The following OR5H14 variants were observed in gnomAD, a reference collection of about 807,000 sequenced individuals.
The protein encoded by OR5H14 is olfactory receptor family 5 subfamily H member 14.
For missense variants in OR5H14, 392 were observed against 363.9 expected, an observed-to-expected ratio of 1.08 and a Z score of -0.63; for synonymous variants, 155 against 130.6, an observed-to-expected ratio of 1.19 and a Z score of -1.28.
At chr3:98,147,749 T>C (rs1708441328) in intron 1 of OR5H14, among the ~76,000 whole-genome samples, 195 bp downstream of exon 1, 1 of 152,092 alleles carries the variant, frequency 6.6e-6, no homozygotes, top group South Asian at 2.1e-4. Context: ...GTTATAAGAC[T>C]GAATTGTTCC....
chr3:98,150,581 C>G lies in OR5H14; in HGVS notation c.*263C>G, dbSNP rs1313037767. On this transcript the variant is annotated 3_prime_UTR_variant, in exon 2 of 2. Coordinates refer to ENST00000641380, the MANE Select transcript of OR5H14 (RefSeq NM_001005514.2). ...ATATTGTACAGTATGGTATGTTAAT[C>G]ACTGTGTCTTATAAATGCATTAAAT... The G allele has an allele frequency of 3.7e-6, 1 of 269,180 alleles. No homozygotes were observed. The highest frequency in any genetic ancestry group is 6.5e-5 in the East Asian group (1 of 15,296). 16.7% of individuals were successfully genotyped at this position (269,180 alleles called of 1,614,324 possible).
At chr3:98,149,235 A>T in intron 1 of OR5H14, 133 bp from the exon 2 acceptor site, 1 of 991,544 alleles carries the variant, frequency 1.0e-6, no homozygotes, top group Non-Finnish European at 1.5e-6. Context: ...CCCTTATAGG[A>T]TTTCTTATTT....
At chr3:98,149,172 T>C (rs1387525148) in intron 1 of OR5H14, among the ~76,000 whole-genome samples, 196 bp from the exon 2 acceptor site, 1 of 152,036 alleles carries the variant, frequency 6.6e-6, no homozygotes, top group East Asian at 1.9e-4. Context: ...AGAGTATGCA[T>C]ATTACTACCA....
At position 98,148,140 on chromosome 3, in the gene OR5H14, C is replaced by T. The variant is rs561127376; in HGVS notation, c.-19+586C>T. ...ATGTAGGATCAGTGTGTTTCATTTG[C>T]CATCCTAGATCATGTCCCTTCACTC... On this transcript the variant is annotated intron_variant, in intron 1 of 1. Transcript: ENST00000641380. 2.0e-5 allele frequency: 3 copies of T among 151,858 alleles called. No homozygotes were observed. The South Asian group carries it at 6.2e-4, about 32-fold the overall frequency. The allele number at this position is 151,858 out of a possible 1,614,324, so 9.4% of individuals were successfully genotyped here.
In OR5H14 at chr3:98,154,104, T is replaced by G. The variant is rs1576107309; in HGVS notation, c.*3786T>G. 1 of 152,324 alleles carries G rather than the reference T, an allele frequency of 6.6e-6. No individual in the cohort carries two copies. Among genetic ancestry groups the G allele is most frequent in the East Asian group, 1.9e-4 (1 of 5,182 alleles). The allele number at this position is 152,324 out of a possible 1,614,324, so 9.4% of individuals were successfully genotyped here. On this transcript the variant is annotated 3_prime_UTR_variant, in exon 2 of 2. Coordinates refer to ENST00000641380, the MANE Select transcript of OR5H14 (RefSeq NM_001005514.2). Reference sequence around the variant, plus strand: ...TTTCTATGCCTGAACTCAACATGAATTGACCAGAATGTTTTACAAATCATA... The same window carrying G: ...TTTCTATGCCTGAACTCAACATGAAGTGACCAGAATGTTTTACAAATCATA...
rs185033781 is a variant in OR5H14 at position 98,149,003 on chromosome 3, G to A, written c.-18-365G>A. Among the ~76,000 whole-genome samples the A allele has an allele frequency of 1.5e-3, 235 of 152,026 alleles. 1 individual carries two copies. Among genetic ancestry groups the A allele is most frequent in the African/African-American group, 4.7e-3 (193 of 41,496 alleles). On this transcript the variant is annotated intron_variant, in intron 1 of 1. Transcript: ENST00000641380. ...AGTATTTGGTGCATTCTTATATTAC[G>A]AAATATAAAGTTTAAGATTCTTCAC...
In OR5H14 at chr3:98,154,436, T is replaced by C. The variant is rs75603976; in HGVS notation, c.*4118T>C. 0.17 allele frequency: 25,634 copies of C among 147,542 alleles called. No individual in the cohort carries two copies. The highest frequency in any genetic ancestry group is 0.36 in the East Asian group (1,786 of 4,900). 9.1% of individuals were successfully genotyped at this position (147,542 alleles called of 1,614,324 possible). On this transcript the variant is annotated 3_prime_UTR_variant, in exon 2 of 2. Transcript: ENST00000641380. ...GAAGAATTCTAAATTCCACAGAAAA[T>C]GTCTGGCACTTTTGTTTGGGACAAG...
In OR5H14 at chr3:98,149,868, AT is replaced by A. The variant is rs1708478751; in HGVS notation, c.488del (p.Leu163TyrfsTer4). On this transcript the variant is annotated frameshift_variant, in exon 2 of 2. Transcript: ENST00000641380. LOFTEE classifies it low-confidence loss of function (END_TRUNC). ...TTCTTCATGCTTTAATCCATGAAGG[AT>A]TTTTATTCAGACTAACCTTCTGTAA... ...GLLHALIHEG[F>X]LFRLTFCNSN... 6.2e-7 allele frequency: 1 copy of A among 1,608,036 alleles called. No individual in the cohort carries two copies. Among genetic ancestry groups the A allele is most frequent in the African/African-American group, 1.4e-5 (1 of 70,326 alleles).
intron 1 of OR5H14, among the ~76,000 whole-genome samples, chr3:98,149,071 C>T (rs1232557409): frequency 6.6e-6 from 1 of 152,024 alleles, no homozygotes; most frequent in Non-Finnish European, 1.5e-5. Context: ...CCAGACATTT[C>T]AAAAACCTAT....
Position 98,149,803 on chromosome 3 carries a change from C to T in OR5H14, c.418C>T (p.Leu140=), listed in dbSNP as rs1291319305. 1 of 1,612,694 alleles carries T rather than the reference C, an allele frequency of 6.2e-7. No homozygotes were observed. The highest frequency in any genetic ancestry group is 8.5e-7 in the Non-Finnish European group (1 of 1,179,670). Residue 140 remains leucine (L), a synonymous_variant, in exon 2 of 2, where the codon CTG becomes TTG. Coordinates refer to ENST00000641380, the MANE Select transcript of OR5H14 (RefSeq NM_001005514.2). ...TTATCCAGCCATTATGACCAATGGACTGTGCATCCGGCTATTAATCTTGTC... is the reference window on the plus strand; with the variant it reads ...TTATCCAGCCATTATGACCAATGGATTGTGCATCCGGCTATTAATCTTGTC... ...LLYPAIMTNG[L]CIRLLILSYV... is the part of the protein sequence containing the mutation.
In OR5H14 at chr3:98,154,305, C is replaced by T. The variant is rs1405433724; in HGVS notation, c.*3987C>T. On this transcript the variant is annotated 3_prime_UTR_variant, in exon 2 of 2. Transcript: ENST00000641380. Reference sequence around the variant, plus strand: ...GATTGAGGGGTTGGATCTTTCCTGTCTACCTTAGGTACCTCACGTTTGGCT... The same window carrying T: ...GATTGAGGGGTTGGATCTTTCCTGTTTACCTTAGGTACCTCACGTTTGGCT... The T allele has an allele frequency of 6.6e-6, 1 of 152,172 alleles. No homozygotes were observed. The highest frequency in any genetic ancestry group is 1.9e-4 in the East Asian group (1 of 5,188). 9.4% of individuals were successfully genotyped at this position (152,172 alleles called of 1,614,324 possible). A position where few individuals can be genotyped will look rare whatever the true frequency, so the allele number is the denominator to read the frequency against.
Position 98,150,312 on chromosome 3 carries a change from T to A in OR5H14, c.927T>A (p.Asp309Glu), listed in dbSNP as rs1226379775. 1.3e-6 allele frequency: 2 copies of A among 1,556,990 alleles called. No individual in the cohort carries two copies. The highest frequency in any genetic ancestry group is 2.3e-5 in the East Asian group (1 of 44,344). ...ASFTKMFKRN[D>E]V ...TCACAAAAATGTTCAAAAGAAATGATGTTTAGATCATTACTAATATCTCTT... is the reference window on the plus strand; with the variant it reads ...TCACAAAAATGTTCAAAAGAAATGAAGTTTAGATCATTACTAATATCTCTT... Residue 309 changes from aspartate (D) to glutamate (E), a missense_variant, in exon 2 of 2, where the codon GAT becomes GAA. Asp to Glu is a conservative substitution (Grantham distance 45, BLOSUM62 2). Coordinates refer to ENST00000641380, the MANE Select transcript of OR5H14 (RefSeq NM_001005514.2).
chr3:98,148,244 A>G (rs1708448008), intron 1 of OR5H14: 1 of 151,984 alleles, frequency 6.6e-6, no homozygotes, highest in African/African-American at 2.4e-5. Context: ...ACAGCTGCCA[A>G]GTCTTGGATG....
chr3:98,150,456 C>T lies in OR5H14; in HGVS notation c.*138C>T. On this transcript the variant is annotated 3_prime_UTR_variant, in exon 2 of 2. Transcript: ENST00000641380. ...GCTTTAATGACCTATGATATAAGCA[C>T]CTATTTAACTAATTAAAATATTCCT... is the stretch of plus-strand genomic sequence containing the variant. 1 of 497,348 alleles carries T rather than the reference C, an allele frequency of 2.0e-6. No homozygotes were observed. Among genetic ancestry groups the T allele is most frequent in the Non-Finnish European group, 3.5e-6 (1 of 284,224 alleles). The allele number at this position is 497,348 out of a possible 1,614,324, so 30.8% of individuals were successfully genotyped here.
Position 98,149,665 on chromosome 3 carries a change from C to A in OR5H14, c.280C>A (p.Leu94Ile), listed in dbSNP as rs376474464. 6.2e-7 allele frequency: 1 copy of A among 1,613,572 alleles called. No homozygotes were observed. The highest frequency in any genetic ancestry group is 1.1e-5 in the South Asian group (1 of 91,066). The change falls in exon 2 of 2, where the codon CTC (leucine) becomes ATC (isoleucine). Residue 94 changes from leucine to isoleucine, a missense_variant. Leu to Ile is a conservative substitution (Grantham distance 5). Coordinates refer to ENST00000641380, the MANE Select transcript of OR5H14 (RefSeq NM_001005514.2). ...NFLAKSKMIS[L>I]SECKIQLFSF... is the part of the protein sequence containing the mutation. Reference sequence around the variant, plus strand: ...CTTAGCTAAGAGTAAGATGATATCTCTCTCTGAATGCAAGATACAGTTGTT... The same window carrying A: ...CTTAGCTAAGAGTAAGATGATATCTATCTCTGAATGCAAGATACAGTTGTT...
chr3:98,150,046 GTCC>G lies in OR5H14; in HGVS notation c.664_666del (p.Leu222del). ...GACTGTTCTTATATCTTACATATTT[GTCC>G]TCTATACAATCTTGAAAAAGAAGTC... On this transcript the variant is annotated inframe_deletion, in exon 2 of 2. Coordinates refer to ENST00000641380, the MANE Select transcript of OR5H14 (RefSeq NM_001005514.2). 1.9e-6 allele frequency: 3 copies of G among 1,612,316 alleles called. No homozygotes were observed. The highest frequency in any genetic ancestry group is 2.5e-6 in the Non-Finnish European group (3 of 1,179,350).
In OR5H14 at chr3:98,150,471, A is replaced by G; in HGVS notation, c.*153A>G. ...GATATAAGCACCTATTTAACTAATT[A>G]AAATATTCCTATGTTATTCAAAAGG... On this transcript the variant is annotated 3_prime_UTR_variant, in exon 2 of 2. Coordinates refer to ENST00000641380, the MANE Select transcript of OR5H14 (RefSeq NM_001005514.2). 1 of 475,230 alleles carries G rather than the reference A, an allele frequency of 2.1e-6. No homozygotes were observed. The highest frequency in any genetic ancestry group is 3.7e-6 in the Non-Finnish European group (1 of 270,322). 29.4% of individuals were successfully genotyped at this position (475,230 alleles called of 1,614,324 possible). A position where few individuals can be genotyped will look rare whatever the true frequency, so the allele number is the denominator to read the frequency against.
In OR5H14 at chr3:98,148,735, T is replaced by C. The variant is rs532387678; in HGVS notation, c.-18-633T>C. On this transcript the variant is annotated intron_variant, in intron 1 of 1. Transcript: ENST00000641380. ...CATTTGAATCATCTTGAGGGTATTT[T>C]TAAATACAGATTTCTAGAACTCATT... 2.6e-5 allele frequency among the ~76,000 whole-genome samples: 4 copies of C among 152,216 alleles called. No individual in the cohort carries two copies. In the South Asian group the frequency reaches 8.3e-4, roughly 32 times the overall value.
At chr3:98,148,512 T>C (rs536421802) in intron 1 of OR5H14, among the ~76,000 whole-genome samples, 2 of 152,160 alleles carry the variant, frequency 1.3e-5, no homozygotes, top group African/African-American at 4.8e-5. Flanking sequence ...TGCCAGCACA[T>C]CTGAGTTCCC....
Sources: allele counts gnomAD v4.1 joint callset (sites outside exome capture counted in the v4.1 genomes callset), GRCh38; gene constraint gnomAD v4.1.1; transcripts MANE v1.5; gene names NCBI Gene and HGNC (gene_info 2026-07-23, HGNC 2026-07-21).